PRR23C: variants seen among roughly 807,000 people sequenced by gnomAD.
PRR23C encodes proline rich 23C.
Under a neutral mutation model 0.1 loss-of-function variants are expected in PRR23C, and 1 was observed. The observed-to-expected ratio is 6.80, with a 90% CI of 2.41 to 32.24. The LOEUF is 32.24. Among genes scored for constraint, PRR23C ranks in the 30% most tolerant of loss-of-function variants. PRR23C has a pLI of 0.11. For missense variants in PRR23C, 361 were observed against 370.4 expected, an observed-to-expected ratio of 0.97 and a Z score of 0.21; for synonymous variants, 172 against 168.1, an observed-to-expected ratio of 1.02 and a Z score of -0.18.
rs1478148313 is a variant in PRR23C at position 139,042,920 on chromosome 3, A to T, written c.*912T>A. ...CAAAATTAGTCGTGTGTGGTGGCGC[A>T]TGCCTGTGATCCCAGCTACCTGGGA... On this transcript the variant is annotated 3_prime_UTR_variant, in exon 1 of 1. Transcript: ENST00000413199. 6.6e-6 allele frequency: 1 copy of T among 152,240 alleles called. No individual in the cohort carries two copies. Among genetic ancestry groups the T allele is most frequent in the Non-Finnish European group, 1.5e-5 (1 of 68,090 alleles). 9.4% of individuals were successfully genotyped at this position (152,240 alleles called of 1,614,324 possible). A position where few individuals can be genotyped will look rare whatever the true frequency, so the allele number is the denominator to read the frequency against.
rs1559943692 is a variant in PRR23C, at chr3:139,044,698, C to T, written c.-78G>A. The T allele has an allele frequency of 7.2e-7, 1 of 1,395,614 alleles. No individual in the cohort carries two copies. Among genetic ancestry groups the T allele is most frequent in the Non-Finnish European group, 9.3e-7 (1 of 1,071,534 alleles). 86.5% of individuals were successfully genotyped at this position (1,395,614 alleles called of 1,614,324 possible). A position where few individuals can be genotyped will look rare whatever the true frequency, so the allele number is the denominator to read the frequency against. On this transcript the variant is annotated 5_prime_UTR_variant, in exon 1 of 1. Transcript: ENST00000413199. The surrounding 1 kb of genome is among the most constrained non-coding windows in gnomAD (Gnocchi z 7.5). The stretch of plus-strand genomic sequence containing the variant: ...GCGGGGGGCTCGGGGCGGCGAAGTC[C>T]TCTTTGAGGTAACAGGTGTCGGCAG...
chr3:139,044,392 C>G lies in PRR23C; in HGVS notation c.229G>C (p.Asp77His). The G allele has an allele frequency of 6.3e-7, 1 of 1,577,624 alleles. No homozygotes were observed. Among genetic ancestry groups the G allele is most frequent in the Non-Finnish European group, 8.6e-7 (1 of 1,162,348 alleles). ...CALRVPLEDV[D>H]LVLELAPMSV... ...ATTGGCGCGAGCTCCAGCACCAGGT[C>G]GACGTCCTCCAGGGGCACACGCAGG... is the stretch of plus-strand genomic sequence containing the variant. The change falls in exon 1 of 1, where the codon GAC (aspartate) becomes CAC (histidine). Residue 77 changes from aspartate to histidine, a missense_variant. Coordinates refer to ENST00000413199, the MANE Select transcript of PRR23C (RefSeq NM_001134657.1). The surrounding 1 kb of genome is among the most constrained non-coding windows in gnomAD (Gnocchi z 7.5).
chr3:139,044,614 T>C lies in PRR23C; in HGVS notation c.7A>G (p.Ser3Gly). Residue 3 changes from serine to glycine, a missense_variant, in exon 1 of 1, where the codon AGC (serine) becomes GGC (glycine). Ser to Gly is a moderately conservative substitution (Grantham distance 56). Transcript: ENST00000413199. The surrounding 1 kb of genome is among the most constrained non-coding windows in gnomAD (Gnocchi z 7.5). Reference protein sequence around the residue: MGSRPCSPSACLA... With the variant: MGGRPCSPSACLA... ...CAGGCGCTGGGGCTGCAGGGCCGGC[T>C]GCCCATCACCTCGACGGCGCTGCGG... is the stretch of plus-strand genomic sequence containing the variant. The C allele has an allele frequency of 6.6e-7, 1 of 1,515,406 alleles. No homozygotes were observed. The highest frequency in any genetic ancestry group is 8.8e-7 in the Non-Finnish European group (1 of 1,138,406). The allele number at this position is 1,515,406 out of a possible 1,614,324, so 93.9% of individuals were successfully genotyped here.
At position 139,043,633 on chromosome 3, in the gene PRR23C, T is replaced by C. The variant is rs1937163846; in HGVS notation, c.*199A>G. On this transcript the variant is annotated 3_prime_UTR_variant, in exon 1 of 1. Transcript: ENST00000413199. ...TATTTCAACTAGCGTATTTTTATGC[T>C]GAGGAGGAGGATCTTTTTTTTCCAG... 2.3e-5 allele frequency: 12 copies of C among 532,302 alleles called. 1 individual carries two copies. The South Asian group carries it at 3.2e-4, about 14-fold the overall frequency. 33.0% of individuals were successfully genotyped at this position (532,302 alleles called of 1,614,324 possible).
chr3:139,044,307 A>T lies in PRR23C; in HGVS notation c.314T>A (p.Leu105Gln). Residue 105 changes from leucine to glutamine, a missense_variant, in exon 1 of 1, where the codon CTG (leucine) becomes CAG (glutamine). Coordinates refer to ENST00000413199, the MANE Select transcript of PRR23C (RefSeq NM_001134657.1). The surrounding 1 kb of genome is among the most constrained non-coding windows in gnomAD (Gnocchi z 7.5). The part of the protein sequence containing the change: ...HTLIVIPEVL[L>Q]SSVDECSGAQ... ...TCCTGAGCATTCGTCGACGGAGCTCAGGAGGACCTCGGGGATCACGATGAG... is the reference window on the plus strand; with the variant it reads ...TCCTGAGCATTCGTCGACGGAGCTCTGGAGGACCTCGGGGATCACGATGAG... The T allele has an allele frequency of 6.2e-7, 1 of 1,610,750 alleles. No homozygotes were observed. The highest frequency in any genetic ancestry group is 8.5e-7 in the Non-Finnish European group (1 of 1,178,610).
rs748947466 is a variant in PRR23C, at chr3:139,044,368, T to C, written c.253A>G (p.Met85Val). 2.5e-6 allele frequency: 4 copies of C among 1,594,338 alleles called. No homozygotes were observed. The highest frequency in any genetic ancestry group is 1.1e-5 in the South Asian group (1 of 87,642). The change falls in exon 1 of 1, where the codon ATG becomes GTG. Residue 85 changes from methionine to valine, a missense_variant. Met to Val is a conservative substitution (Grantham distance 21, BLOSUM62 1). Transcript: ENST00000413199. This position sits in a 1 kb window ranked among gnomAD's most constrained non-coding sequence, Gnocchi z 7.5. ...CCAAGAGACACTCGCAGGACCGACA[T>C]TGGCGCGAGCTCCAGCACCAGGTCG... ...DVDLVLELAP[M>V]SVLRVSLGGH...
Position 139,044,129 on chromosome 3 carries a change from CGGG to C in PRR23C, c.489_491del (p.Phe163_Pro164delinsLeu). 1 of 1,612,864 alleles carries C rather than the reference CGGG, an allele frequency of 6.2e-7. No individual in the cohort carries two copies. Among genetic ancestry groups the C allele is most frequent in the Non-Finnish European group, 8.5e-7 (1 of 1,179,402 alleles). On this transcript the variant is annotated inframe_deletion, in exon 1 of 1. Coordinates refer to ENST00000413199, the MANE Select transcript of PRR23C (RefSeq NM_001134657.1). This position sits in a 1 kb window ranked among gnomAD's most constrained non-coding sequence, Gnocchi z 7.5. ...CGGCTGCGGAGTCCATCCAGAGCTC[CGGG>C]AACTCAGAGTCCGCGTCCTCCTCGT...
chr3:139,044,103 C>G lies in PRR23C; in HGVS notation c.518G>C (p.Gly173Ala). 6.2e-7 allele frequency: 1 copy of G among 1,612,974 alleles called. No homozygotes were observed. Among genetic ancestry groups the G allele is most frequent in the Non-Finnish European group, 8.5e-7 (1 of 1,179,466 alleles). ...FPELWMDSAAGSAAGLYPSAR... is the reference protein window; with the variant it reads ...FPELWMDSAAASAAGLYPSAR... ...GGAGGGGTAGAGCCCAGCGGCTGAGCCGGCTGCGGAGTCCATCCAGAGCTC... is the reference window on the plus strand; with the variant it reads ...GGAGGGGTAGAGCCCAGCGGCTGAGGCGGCTGCGGAGTCCATCCAGAGCTC... Residue 173 changes from glycine (G) to alanine (A), a missense_variant, in exon 1 of 1, where the codon GGC becomes GCC. By Grantham distance (60) the Gly-to-Ala change is moderately conservative (BLOSUM62 0). Coordinates refer to ENST00000413199, the MANE Select transcript of PRR23C (RefSeq NM_001134657.1). The surrounding 1 kb of genome is among the most constrained non-coding windows in gnomAD (Gnocchi z 7.5).
In PRR23C at chr3:139,042,472, T is replaced by A. The variant is rs771190558; in HGVS notation, c.*1360A>T. The A allele has an allele frequency of 1.3e-5, 2 of 152,220 alleles. No homozygotes were observed. The highest frequency in any genetic ancestry group is 4.8e-5 in the African/African-American group (2 of 41,460). 9.4% of individuals were successfully genotyped at this position (152,220 alleles called of 1,614,324 possible). A position where few individuals can be genotyped will look rare whatever the true frequency, so the allele number is the denominator to read the frequency against. ...CTGCTTCAATAGATTAAGGGTTATC[T>A]AACAACCATGTAAAGATCATACTTT... On this transcript the variant is annotated 3_prime_UTR_variant, in exon 1 of 1. Coordinates refer to ENST00000413199, the MANE Select transcript of PRR23C (RefSeq NM_001134657.1).
In PRR23C at chr3:139,044,426, C is replaced by G. The variant is rs762194143; in HGVS notation, c.195G>C (p.Ala65=). ...DALTSMVVLD[A]GCALRVPLED... ...CCAGGGGCACACGCAGGGCACAGCCCGCGTCCAGGACCACCATGGAGGTGA... is the reference window on the plus strand; with the variant it reads ...CCAGGGGCACACGCAGGGCACAGCCGGCGTCCAGGACCACCATGGAGGTGA... The change falls in exon 1 of 1, where the codon GCG becomes GCC. Residue 65 remains alanine (A), a synonymous_variant. Transcript: ENST00000413199. The surrounding 1 kb of genome is among the most constrained non-coding windows in gnomAD (Gnocchi z 7.5). The G allele has an allele frequency of 1.7e-5, 27 of 1,558,248 alleles. No individual in the cohort carries two copies. The highest frequency in any genetic ancestry group is 2.3e-5 in the Non-Finnish European group (27 of 1,152,098).
In PRR23C at chr3:139,042,317, T is replaced by C. The variant is rs941397437; in HGVS notation, c.*1515A>G. 2.6e-5 allele frequency: 4 copies of C among 152,184 alleles called. No individual in the cohort carries two copies. The highest frequency in any genetic ancestry group is 9.7e-5 in the African/African-American group (4 of 41,434). 9.4% of individuals were successfully genotyped at this position (152,184 alleles called of 1,614,324 possible). A position where few individuals can be genotyped will look rare whatever the true frequency, so the allele number is the denominator to read the frequency against. On this transcript the variant is annotated 3_prime_UTR_variant, in exon 1 of 1. Transcript: ENST00000413199. Reference sequence around the variant, plus strand: ...CCAAAGGTTCCATCTAGCTATTGTATTGTATTATTGTATACACACAAATAA... The same window carrying C: ...CCAAAGGTTCCATCTAGCTATTGTACTGTATTATTGTATACACACAAATAA...
In PRR23C at chr3:139,044,792, TGC is replaced by T; in HGVS notation, c.-174_-173del. 2.9e-6 allele frequency: 2 copies of T among 701,088 alleles called. No homozygotes were observed. The highest frequency in any genetic ancestry group is 2.2e-6 in the Non-Finnish European group (1 of 447,056). The allele number at this position is 701,088 out of a possible 1,614,324, so 43.4% of individuals were successfully genotyped here. ...TCCCGGAGATCGGAGTCGGTGCTGC[TGC>T]TGGGGGAACCTCGCACGCTGTGTGG... On this transcript the variant is annotated 5_prime_UTR_variant, in exon 1 of 1. Transcript: ENST00000413199. This position sits in a 1 kb window ranked among gnomAD's most constrained non-coding sequence, Gnocchi z 7.5.
Position 139,043,758 on chromosome 3 carries a change from A to G in PRR23C, c.*74T>C. 7.4e-7 allele frequency: 1 copy of G among 1,342,482 alleles called. No homozygotes were observed. The highest frequency in any genetic ancestry group is 1.5e-5 in the South Asian group (1 of 65,598). The allele number at this position is 1,342,482 out of a possible 1,614,324, so 83.2% of individuals were successfully genotyped here. ...TCTCCGAGATCCTTGTAGGTTGCGC[A>G]ACATACACACAACGGCTATCAGGAG... On this transcript the variant is annotated 3_prime_UTR_variant, in exon 1 of 1. Coordinates refer to ENST00000413199, the MANE Select transcript of PRR23C (RefSeq NM_001134657.1).
Position 139,044,374 on chromosome 3 carries a change from C to T in PRR23C, c.247G>A (p.Ala83Thr), listed in dbSNP as rs770562080. 25 of 1,589,278 alleles carry T rather than the reference C, an allele frequency of 1.6e-5. No individual in the cohort carries two copies. The highest frequency in any genetic ancestry group is 7.1e-5 in the Admixed American group (4 of 55,980). The change falls in exon 1 of 1, where the codon GCG becomes ACG. Residue 83 changes from alanine (A) to threonine (T), a missense_variant. By Grantham distance (58) the Ala-to-Thr change is moderately conservative (BLOSUM62 0). Transcript: ENST00000413199. This position sits in a 1 kb window ranked among gnomAD's most constrained non-coding sequence, Gnocchi z 7.5. ...LEDVDLVLEL[A>T]PMSVLRVSLG... ...GACACTCGCAGGACCGACATTGGCG[C>T]GAGCTCCAGCACCAGGTCGACGTCC...
rs1223279902 is a variant in PRR23C, at chr3:139,043,646, C to CT, written c.*185dup. 63 of 557,336 alleles carry CT rather than the reference C, an allele frequency of 1.1e-4. No individual in the cohort carries two copies. Among genetic ancestry groups the CT allele is most frequent in the Non-Finnish European group, 1.4e-4 (45 of 327,498 alleles). The allele number at this position is 557,336 out of a possible 1,614,324, so 34.5% of individuals were successfully genotyped here. Reference sequence around the variant, plus strand: ...GTATTTTTATGCTGAGGAGGAGGATCTTTTTTTTCCAGACTTTCTAAGTCA... The same window carrying CT: ...GTATTTTTATGCTGAGGAGGAGGATCTTTTTTTTTCCAGACTTTCTAAGTCA... On this transcript the variant is annotated 3_prime_UTR_variant, in exon 1 of 1. Transcript: ENST00000413199.
rs912853427 is a variant in PRR23C, at chr3:139,042,850, G to C, written c.*982C>G. 2.6e-5 allele frequency: 4 copies of C among 152,254 alleles called. No individual in the cohort carries two copies. Among genetic ancestry groups the C allele is most frequent in the Non-Finnish European group, 4.4e-5 (3 of 68,072 alleles). 9.4% of individuals were successfully genotyped at this position (152,254 alleles called of 1,614,324 possible). A position where few individuals can be genotyped will look rare whatever the true frequency, so the allele number is the denominator to read the frequency against. On this transcript the variant is annotated 3_prime_UTR_variant, in exon 1 of 1. Transcript: ENST00000413199. ...GGATCACCTGAAGTCAGGAGTTCGA[G>C]ACCAGCCTGGCCAACATGGTGAAAC...
Position 139,043,823 on chromosome 3 carries a change from G to T in PRR23C, c.*9C>A, listed in dbSNP as rs749407148. ...CCCAGCAGGGTGGCAAGGGATTGTGGGAGGCAACTCATTCCTGGAACAGGC... is the reference window on the plus strand; with the variant it reads ...CCCAGCAGGGTGGCAAGGGATTGTGTGAGGCAACTCATTCCTGGAACAGGC... On this transcript the variant is annotated 3_prime_UTR_variant, in exon 1 of 1. Transcript: ENST00000413199. 6.6e-6 allele frequency: 10 copies of T among 1,519,914 alleles called. No individual in the cohort carries two copies. The South Asian group carries it at 1.3e-4, about 20-fold the overall frequency. 94.2% of individuals were successfully genotyped at this position (1,519,914 alleles called of 1,614,324 possible).
In PRR23C at chr3:139,043,620, C is replaced by G. The variant is rs138508491; in HGVS notation, c.*212G>C. 2 of 507,524 alleles carry G rather than the reference C, an allele frequency of 3.9e-6. No individual in the cohort carries two copies. Among genetic ancestry groups the G allele is most frequent in the African/African-American group, 3.8e-5 (2 of 52,260 alleles). The allele number at this position is 507,524 out of a possible 1,614,324, so 31.4% of individuals were successfully genotyped here. A position where few individuals can be genotyped will look rare whatever the true frequency, so the allele number is the denominator to read the frequency against. On this transcript the variant is annotated 3_prime_UTR_variant, in exon 1 of 1. Coordinates refer to ENST00000413199, the MANE Select transcript of PRR23C (RefSeq NM_001134657.1). ...TGAAAGTAGACTGTATTTCAACTAGCGTATTTTTATGCTGAGGAGGAGGAT... is the reference window on the plus strand; with the variant it reads ...TGAAAGTAGACTGTATTTCAACTAGGGTATTTTTATGCTGAGGAGGAGGAT...
At chr3:139,044,619 AT>A in the PRR23C span, 7 of 1,508,908 alleles carry the variant, frequency 4.6e-6, no homozygotes, top group Non-Finnish European at 6.2e-6. The surrounding 1 kb of genome is among the most constrained non-coding windows in gnomAD (Gnocchi z 7.5). Context: ...CCGGCTGCCC[AT>A]CACCTCGACG....
Sources: allele counts gnomAD v4.1 joint callset, GRCh38; gene constraint gnomAD v4.1.1; non-coding constraint Gnocchi (gnomAD v3.1); transcripts MANE v1.5; gene names NCBI Gene and HGNC (gene_info 2026-07-23, HGNC 2026-07-21).